The following DOCK8 variants were observed in gnomAD, a reference collection of about 807,000 sequenced individuals.
The protein encoded by DOCK8 is dedicator of cytokinesis protein 8.
In DOCK8, 141 loss-of-function variants were observed where a neutral mutation model predicts 245.6. The observed-to-expected ratio is 0.57, with a 90% CI of 0.50 to 0.66. The LOEUF is 0.66. Among genes scored for constraint, DOCK8 ranks in the 30% least tolerant of loss-of-function variants. The pLI is 0.00. For synonymous variants in DOCK8, 1,168 were observed against 970.2 expected, an observed-to-expected ratio of 1.20 and a Z score of -3.79; for missense variants, 2,965 against 2,603.4, an observed-to-expected ratio of 1.14 and a Z score of -3.02.
Position 414,914 on chromosome 9 carries a change from C to G in DOCK8, c.3663C>G (p.Ile1221Met), listed in dbSNP as rs779923614. 4 of 1,614,010 alleles carry G rather than the reference C, an allele frequency of 2.5e-6. No individual in the cohort carries two copies. The African/African-American group carries it at 4.0e-5, about 16-fold the overall frequency. Residue 1221 changes from isoleucine (I) to methionine (M), a missense_variant, in exon 29 of 48, where the codon ATC (isoleucine) becomes ATG (methionine). Coordinates refer to ENST00000432829, the MANE Select transcript of DOCK8 (RefSeq NM_203447.4). ...IAALYLPLVG[I>M]ILDALPQLCD... is the part of the protein sequence containing the mutation. ...CCCTTTACCTACCTTTAGTTGGCATCATTTTGGATGCTTTGCCACAGCTCT... is the reference window on the plus strand; with the variant it reads ...CCCTTTACCTACCTTTAGTTGGCATGATTTTGGATGCTTTGCCACAGCTCT...
chr9:348,466 G>T (rs7041713), intron 14 of DOCK8, among the ~76,000 whole-genome samples: 121,034 of 152,056 alleles, frequency 0.8, 48,682 homozygotes, highest in South Asian at 0.88. Flanking sequence ...AAAGTCCTGC[G>T]GTCGGTTTAA....
At position 420,568 on chromosome 9, in the gene DOCK8, ATGTT is replaced by A; in HGVS notation, c.4010_4013del (p.Cys1337LeufsTer41). The A allele has an allele frequency of 6.2e-7, 1 of 1,614,158 alleles. No individual in the cohort carries two copies. The highest frequency in any genetic ancestry group is 8.5e-7 in the Non-Finnish European group (1 of 1,180,028). On this transcript the variant is annotated frameshift_variant, in exon 31 of 48. Transcript: ENST00000432829. LOFTEE classifies it high-confidence loss of function. ...TAGATCTACTTTTCATCTGTGTGTT[ATGTT>A]TTGAGTATAAGGTAAGTCTGGAGTG...
At chr9:398,686 T>G (rs1240951002) in intron 25 of DOCK8, among the ~76,000 whole-genome samples, 1 of 152,188 alleles carries the variant, frequency 6.6e-6, no homozygotes, top group South Asian at 2.1e-4. Context: ...AATAAATTTC[T>G]TAGGTAAAAA....
At chr9:391,661 A>G (rs2054196470) in intron 24 of DOCK8, among the ~76,000 whole-genome samples, 1 of 152,160 alleles carries the variant, frequency 6.6e-6, no homozygotes, top group African/African-American at 2.4e-5. Context: ...ACAGAGATGC[A>G]TAATGAGATG....
chr9:313,855 C>G (rs1046432583), intron 6 of DOCK8, among the ~76,000 whole-genome samples: 1 of 152,204 alleles, frequency 6.6e-6, no homozygotes, highest in African/African-American at 2.4e-5. Context: ...CAAAACATTA[C>G]TTGATTTAAT....
chr9:301,233 A>T (rs1019265751), intron 4 of DOCK8, among the ~76,000 whole-genome samples: 1 of 152,234 alleles, frequency 6.6e-6, no homozygotes, highest in Non-Finnish European at 1.5e-5. Flanking sequence ...AGAATTAAAA[A>T]CAAAAACCAC....
chr9:394,986 G>A (rs898886369), intron 24 of DOCK8, among the ~76,000 whole-genome samples: 1 of 152,210 alleles, frequency 6.6e-6, no homozygotes, highest in South Asian at 2.1e-4. Flanking sequence ...AGTTCTGAAA[G>A]CCTTAGTGCT....
upstream of DOCK8, chr9:214,539 G>C: frequency 1.2e-6 from 2 of 1,613,186 alleles, no homozygotes; most frequent in South Asian, 2.2e-5. Context: ...TCCCGACCTC[G>C]CCAGCTTTGT....
chr9:338,433 G>C (rs1242970864), intron 12 of DOCK8, among the ~76,000 whole-genome samples: 1 of 152,102 alleles, frequency 6.6e-6, no homozygotes, highest in Admixed American at 6.5e-5. Flanking sequence ...TGGAGGACAA[G>C]GTACTTAACT....
At position 464,369 on chromosome 9, in the gene DOCK8, A is replaced by T. The variant is rs886063981; in HGVS notation, c.*150A>T. 96 of 764,864 alleles carry T rather than the reference A, an allele frequency of 1.3e-4. 1 individual carries two copies. Among genetic ancestry groups the T allele is most frequent in the South Asian group, 1.0e-3 (69 of 68,776 alleles). 47.4% of individuals were successfully genotyped at this position (764,864 alleles called of 1,614,324 possible). ...TGGAAGCTTTGGGATCCCAGGAACCATGGAATTATTCCCAAATGGACTCTG... is the reference window on the plus strand; with the variant it reads ...TGGAAGCTTTGGGATCCCAGGAACCTTGGAATTATTCCCAAATGGACTCTG... On this transcript the variant is annotated 3_prime_UTR_variant, in exon 48 of 48. Transcript: ENST00000432829.
At chr9:272,731 C>G (rs1172032151) in intron 2 of DOCK8, among the ~76,000 whole-genome samples, 2 of 152,144 alleles carry the variant, frequency 1.3e-5, no homozygotes, top group Non-Finnish European at 2.9e-5. Context: ...TGAAGATTGC[C>G]TACATTTTTA....
At chr9:230,433 G>C (rs943762848) in intron 1 of DOCK8, among the ~76,000 whole-genome samples, 3 of 152,066 alleles carry the variant, frequency 2.0e-5, no homozygotes, top group Non-Finnish European at 4.4e-5. Context: ...GGATGGCTGG[G>C]TCAAATGGTA....
intron 1 of DOCK8, among the ~76,000 whole-genome samples, chr9:225,612 A>T (rs2046973191): frequency 6.6e-6 from 1 of 152,190 alleles, no homozygotes; most frequent in African/African-American, 2.4e-5. Context: ...TGTGCCTAGC[A>T]CTATTCTAAG....
intron 41 of DOCK8, 46 bp downstream of exon 41, chr9:441,463 C>T (rs754140861): frequency 1.5e-5 from 24 of 1,613,138 alleles, no homozygotes; most frequent in East Asian, 2.2e-5. Flanking sequence ...TGGTGGCAGG[C>T]GACCCTGTCC....
chr9:398,276 G>A (rs557297299), intron 25 of DOCK8, among the ~76,000 whole-genome samples: 6 of 152,320 alleles, frequency 3.9e-5, no homozygotes, highest in East Asian at 1.9e-4. Flanking sequence ...TGGAGAATGC[G>A]GAGAGAGTTC....
chr9:335,671 A>T (rs1019477698), intron 11 of DOCK8, among the ~76,000 whole-genome samples: 3 of 152,100 alleles, frequency 2.0e-5, no homozygotes, highest in Non-Finnish European at 4.4e-5. Context: ...CAAGCTAGGT[A>T]ATTCAGGATA....
Position 313,786 on chromosome 9 carries a change from G to C in DOCK8, c.741+1620G>C, listed in dbSNP as rs576023322. Among the ~76,000 whole-genome samples the C allele has an allele frequency of 1.3e-4, 20 of 152,336 alleles. No individual in the cohort carries two copies. In the South Asian group the frequency reaches 3.9e-3, roughly 30 times the overall value. ...TCACACACACACAAAAGGTAAGTTG[G>C]TGAGGTGATAGATATGTTAATTAGC... On this transcript the variant is annotated intron_variant, in intron 6 of 47. Transcript: ENST00000432829.
intron 1 of DOCK8, among the ~76,000 whole-genome samples, chr9:222,262 C>CAA (rs112869628): frequency 2.0e-5 from 3 of 147,416 alleles, no homozygotes; most frequent in African/African-American, 5.0e-5. Flanking sequence ...AACCCTGTCT[C>CAA]AAAAAAAAAA....
At chr9:422,170 TA>T (rs749950041) in intron 33 of DOCK8, 35 bp downstream of exon 33, 1 of 1,572,664 alleles carries the variant, frequency 6.4e-7, no homozygotes, top group South Asian at 1.1e-5. Context: ...TACTTTTACC[TA>T]AAGTCCAAAA....
Sources: allele counts gnomAD v4.1 joint callset (sites outside exome capture counted in the v4.1 genomes callset), GRCh38; gene constraint gnomAD v4.1.1; transcripts MANE v1.5; gene names NCBI Gene and HGNC (gene_info 2026-07-23, HGNC 2026-07-21).